The following SLC35D2 variants were observed in gnomAD, a reference collection of about 807,000 sequenced individuals.
SLC35D2 encodes nucleotide sugar transporter SLC35D2.
SLC35D2 carries 43 observed loss-of-function variants against 41.8 expected under a neutral mutation model. The observed-to-expected ratio is 1.03, with a 90% CI of 0.81 to 1.33. The LOEUF is 1.33. SLC35D2 is among the 40% of genes most tolerant of loss of function. The probability of loss-of-function intolerance (pLI) is 0.00; values close to 1 mark genes in which losing one functional copy is unlikely to be tolerated. For missense variants in SLC35D2, 380 were observed against 408.4 expected, an observed-to-expected ratio of 0.93 and a Z score of 0.60; for synonymous variants, 150 against 163.9, an observed-to-expected ratio of 0.92 and a Z score of 0.65.
chr9:96,337,557 T>C (rs1829101803), intron 8 of SLC35D2, among the ~76,000 whole-genome samples: 1 of 152,040 alleles, frequency 6.6e-6, no homozygotes. Context: ...GCAAGAAAAG[T>C]TTAAGGTCAT....
intron 5 of SLC35D2, among the ~76,000 whole-genome samples, chr9:96,351,465 T>C (rs1480495546): frequency 6.6e-6 from 1 of 151,918 alleles, no homozygotes; most frequent in African/African-American, 2.4e-5. Context: ...TTGCATGGAC[T>C]GATAGTGAGT....
In SLC35D2 at chr9:96,383,581, C is replaced by A. The variant is rs1351243505; in HGVS notation, c.54G>T (p.Ala18=). 26 of 1,459,290 alleles carry A rather than the reference C, an allele frequency of 1.8e-5. 1 individual carries two copies. The South Asian group carries it at 2.2e-4, about 12-fold the overall frequency. 90.4% of individuals were successfully genotyped at this position (1,459,290 alleles called of 1,614,324 possible). A position where few individuals can be genotyped will look rare whatever the true frequency, so the allele number is the denominator to read the frequency against. ...GGGCCACCCGCGAGGGCAGCCGCGC[C>A]GCGCCGGGCTCCCCGCCAGCGCCCT... ...EAEGAGGEPG[A]ARLPSRVARL... The change falls in exon 1 of 12, where the codon GCG becomes GCT. Residue 18 remains alanine (A), a synonymous_variant. Coordinates refer to ENST00000253270, the MANE Select transcript of SLC35D2 (RefSeq NM_007001.3).
chr9:96,381,349 G>A (rs752959589), intron 1 of SLC35D2, among the ~76,000 whole-genome samples: 10 of 152,266 alleles, frequency 6.6e-5, no homozygotes, highest in East Asian at 1.9e-4. Context: ...GAGCCCTGGC[G>A]GTGGCCTCCC....
intron 6 of SLC35D2, among the ~76,000 whole-genome samples, chr9:96,347,219 CT>C (rs1220236899): frequency 2.6e-5 from 4 of 152,220 alleles, no homozygotes; most frequent in Admixed American, 2.6e-4. Flanking sequence ...CTGCCGCCCC[CT>C]GAGACAGCAG....
At chr9:96,344,069 C>T (rs1332023915) in intron 7 of SLC35D2, 73 bp from the exon 8 acceptor site, 1 of 875,308 alleles carries the variant, frequency 1.1e-6, no homozygotes, top group Non-Finnish European at 1.8e-6. Context: ...GCCATTTATA[C>T]AACTGCATAT....
At chr9:96,344,403 AT>A (rs1338693833) in intron 7 of SLC35D2, among the ~76,000 whole-genome samples, 1 of 150,816 alleles carries the variant, frequency 6.6e-6, no homozygotes, top group Non-Finnish European at 1.5e-5. Flanking sequence ...AGCATCATAT[AT>A]TTACTTTCAT....
At chr9:96,371,517 G>A (rs1175104417) in intron 1 of SLC35D2, among the ~76,000 whole-genome samples, 2 of 106,572 alleles carry the variant, frequency 1.9e-5, no homozygotes, top group African/African-American at 6.5e-5. Context: ...TTTAAACACT[G>A]GATCTAAAAG....
At chr9:96,337,939 G>A (rs937206571) in intron 8 of SLC35D2, among the ~76,000 whole-genome samples, 18 of 131,196 alleles carry the variant, frequency 1.4e-4, no homozygotes, top group East Asian at 2.4e-4. Context: ...CCGAGGTCAC[G>A]CCATTGCACT....
chr9:96,377,429 T>C (rs1405179915), intron 1 of SLC35D2, among the ~76,000 whole-genome samples: 1 of 152,172 alleles, frequency 6.6e-6, no homozygotes, highest in East Asian at 1.9e-4. Flanking sequence ...CAGTCATTGT[T>C]TGCCAGCTCC....
intron 4 of SLC35D2, among the ~76,000 whole-genome samples, chr9:96,354,901 T>TA (rs113804373): frequency 7.3e-5 from 11 of 151,460 alleles, no homozygotes; most frequent in African/African-American, 2.2e-4. Context: ...AAAACATTGT[T>TA]AAAAAAATTT....
intron 1 of SLC35D2, 103 bp from the exon 2 acceptor site, chr9:96,368,408 A>G: frequency 1.1e-6 from 1 of 905,950 alleles, no homozygotes; most frequent in South Asian, 1.8e-5. Context: ...AGAAAATGAA[A>G]ATTTATCAAA....
At chr9:96,315,757 A>G (rs1244243349), downstream of SLC35D2, among the ~76,000 whole-genome samples, 2 of 152,050 alleles carry the variant, frequency 1.3e-5, no homozygotes, top group Admixed American at 6.5e-5. Flanking sequence ...CTTTTATGCC[A>G]TGGACCACAA....
chr9:96,349,840 T>A (rs1430083510), intron 6 of SLC35D2, among the ~76,000 whole-genome samples: 3 of 152,160 alleles, frequency 2.0e-5, no homozygotes, highest in Non-Finnish European at 4.4e-5. Context: ...GTTCCTTTTT[T>A]AATGAACCTT....
chr9:96,347,747 G>A (rs1254131523), intron 6 of SLC35D2, among the ~76,000 whole-genome samples: 1 of 152,066 alleles, frequency 6.6e-6, no homozygotes, highest in Non-Finnish European at 1.5e-5. Flanking sequence ...GGCGGTTAAG[G>A]CATTCTAAGT....
downstream of SLC35D2, among the ~76,000 whole-genome samples, chr9:96,316,167 T>C (rs962260635): frequency 9.2e-5 from 14 of 152,136 alleles, no homozygotes; most frequent in Non-Finnish European, 1.3e-4. Flanking sequence ...GCTCACTAAA[T>C]CTTGTCCATG....
chr9:96,326,627 C>A (rs1828541290), intron 9 of SLC35D2, among the ~76,000 whole-genome samples: 2 of 151,876 alleles, frequency 1.3e-5, no homozygotes, highest in East Asian at 3.9e-4. Context: ...CATGGTGAAA[C>A]CCTGTCTCTA....
intron 9 of SLC35D2, among the ~76,000 whole-genome samples, chr9:96,327,589 T>C (rs35907550): frequency 0.13 from 20,081 of 151,940 alleles, 1,778 homozygotes; most frequent in East Asian, 0.28. Flanking sequence ...GGCGGCTAGA[T>C]AGAAGGGCTG....
chr9:96,366,550 T>A (rs2130997320), intron 2 of SLC35D2, among the ~76,000 whole-genome samples: 1 of 126,350 alleles, frequency 7.9e-6, no homozygotes, highest in East Asian at 2.3e-4. Context: ...TGAGACGGAG[T>A]CTTGCTTGTC....
intron 1 of SLC35D2, among the ~76,000 whole-genome samples, chr9:96,373,209 C>T (rs1316838810): frequency 1.3e-5 from 2 of 152,022 alleles, no homozygotes; most frequent in African/African-American, 2.4e-5. Context: ...CAATAATTAC[C>T]TCTTAAAGCC....
Sources: gnomAD v4.1 joint callset for allele counts (sites outside exome capture counted in the v4.1 genomes callset) on GRCh38, gnomAD v4.1.1 for gene constraint, MANE v1.5 for transcripts, NCBI Gene and HGNC (gene_info 2026-07-23, HGNC 2026-07-21) for gene names.